The following STX5 variants were observed in gnomAD, a reference collection of about 807,000 sequenced individuals.
The protein encoded by STX5 is syntaxin-5.
Under a neutral mutation model 42.9 loss-of-function variants are expected in STX5, and 15 were observed. The observed-to-expected ratio is 0.35, with a 90% CI of 0.23 to 0.54. The LOEUF (loss-of-function observed/expected upper bound fraction) is 0.54, where lower values mean the gene tolerates loss of function less well. Among genes scored for constraint, STX5 ranks in the 20% least tolerant of loss-of-function variants. The pLI, the probability that STX5 is intolerant of heterozygous loss-of-function variation, is 0.91. For missense variants in STX5, 430 were observed against 455.0 expected (o/e 0.95, Z 0.50); for synonymous variants, 184 against 173.2 (o/e 1.06, Z -0.49).
intron 10 of STX5, among the ~76,000 whole-genome samples, chr11:62,812,266 A>G (rs2730035): frequency 0.16 from 24,327 of 151,042 alleles, 3,754 homozygotes; most frequent in African/African-American, 0.4. Flanking sequence ...TAGTAGAGAC[A>G]GGGTTTCTCC....
chr11:62,830,771 A>T (rs754675287), intron 2 of STX5, among the ~76,000 whole-genome samples: 6 of 152,144 alleles, frequency 3.9e-5, no homozygotes, highest in Non-Finnish European at 8.8e-5. Flanking sequence ...GTACTCTCTG[A>T]AGTACTCCCT....
intron 10 of STX5, among the ~76,000 whole-genome samples, chr11:62,814,964 T>C (rs1266130708): frequency 6.6e-6 from 1 of 152,076 alleles, no homozygotes; most frequent in Admixed American, 6.6e-5. Flanking sequence ...CCTCACTGGA[T>C]ATCACATATT....
Position 62,824,234 on chromosome 11 carries a change from A to G in STX5, c.840T>C (p.Ile280=), listed in dbSNP as rs556152841. The G allele has an allele frequency of 1.2e-6, 2 of 1,614,164 alleles. No individual in the cohort carries two copies. The highest frequency in any genetic ancestry group is 4.5e-5 in the East Asian group (2 of 44,882). Residue 280 remains isoleucine (I), a synonymous_variant, in exon 10 of 11, where the codon ATT becomes ATC. Coordinates refer to ENST00000294179, the MANE Select transcript of STX5 (RefSeq NM_003164.5). ...ADTMQNIEST[I]VELGSIFQQL... ...GCTGAAAGATGGAGCCCAACTCAAC[A>G]ATTGTCGACTCAATGTTCTGCATGG...
chr11:62,824,699 G>A (rs2084775881), intron 8 of STX5, 134 bp from the exon 9 acceptor site: 3 of 801,180 alleles, frequency 3.7e-6, no homozygotes, highest in Non-Finnish European at 6.1e-6. Context: ...ACCTCTCTGA[G>A]CCTCAGTTTC....
intron 2 of STX5, among the ~76,000 whole-genome samples, 196 bp from the exon 3 acceptor site, chr11:62,827,827 T>C (rs1298603049): frequency 6.6e-6 from 1 of 152,044 alleles, no homozygotes; most frequent in African/African-American, 2.4e-5. Context: ...GACTCACCAC[T>C]TACTACTAGC....
rs1411103673 is a variant in STX5 at position 62,807,686 on chromosome 11, G to A, written c.909-58C>T. 4 of 1,597,898 alleles carry A rather than the reference G, an allele frequency of 2.5e-6. No homozygotes were observed. In the Middle Eastern group the frequency reaches 5.0e-4, roughly 199 times the overall value. ...AGGACACTGGATTAAAAAGAATGCT[G>A]TTGAAGTCCATTTATTGACATGGAA... On this transcript the variant is annotated intron_variant, in intron 10 of 10. Coordinates refer to ENST00000294179, the MANE Select transcript of STX5 (RefSeq NM_003164.5).
chr11:62,807,187 C>T lies in STX5; in HGVS notation c.*282G>A, dbSNP rs2084560367. On this transcript the variant is annotated 3_prime_UTR_variant, in exon 11 of 11. Transcript: ENST00000294179. ...ATAAAAATCTCCTAGTGGAAACAAC[C>T]TCCCCCACTGGCCCCCAGCTGGCCT... The T allele has an allele frequency of 3.5e-6, 1 of 283,036 alleles. No homozygotes were observed. The highest frequency in any genetic ancestry group is 6.7e-6 in the Non-Finnish European group (1 of 149,572). The allele number at this position is 283,036 out of a possible 1,614,324, so 17.5% of individuals were successfully genotyped here.
chr11:62,807,398 T>A lies in STX5; in HGVS notation c.*71A>T. On this transcript the variant is annotated 3_prime_UTR_variant, in exon 11 of 11. Transcript: ENST00000294179. ...TCCCAAGTACCCTGCACAGGCTCAG[T>A]GGCAGCACTGGCCACTTGCCTTCCC... 2 of 1,571,050 alleles carry A rather than the reference T, an allele frequency of 1.3e-6. No homozygotes were observed. Among genetic ancestry groups the A allele is most frequent in the African/African-American group, 1.4e-5 (1 of 73,864 alleles).
intron 7 of STX5, 77 bp downstream of exon 7, chr11:62,825,206 A>G (rs1038210634): frequency 1.9e-6 from 3 of 1,611,470 alleles, no homozygotes; most frequent in African/African-American, 1.3e-5. Flanking sequence ...ATGACCCTGT[A>G]GAACTTGTCC....
chr11:62,831,062 G>A lies in STX5; in HGVS notation c.182C>T (p.Thr61Ile). The A allele has an allele frequency of 6.4e-7, 1 of 1,555,894 alleles. No homozygotes were observed. The highest frequency in any genetic ancestry group is 8.7e-7 in the Non-Finnish European group (1 of 1,150,136). The part of the protein sequence containing the change: ...PPDTMSCRDR[T>I]QEFLSACKSL... ...CTTGCAGGCAGACAGAAACTCCTGG[G>A]TCCGATCCCGGCAGGACATGGTGTC... Residue 61 changes from threonine to isoleucine, a missense_variant, in exon 2 of 11, where the codon ACC becomes ATC. Thr to Ile is a moderately conservative substitution (Grantham distance 89, BLOSUM62 -1). Transcript: ENST00000294179.
At chr11:62,825,901 A>G (rs2084790342) in intron 5 of STX5, among the ~76,000 whole-genome samples, 1 of 152,228 alleles carries the variant, frequency 6.6e-6, no homozygotes, top group Admixed American at 6.5e-5. Context: ...GCCCCCGGAC[A>G]GTACTCAGGA....
At position 62,817,177 on chromosome 11, in the gene STX5, C is replaced by G. The variant is rs187248232; in HGVS notation, c.908+6989G>C. On this transcript the variant is annotated intron_variant, in intron 10 of 10. Transcript: ENST00000294179. ...TCCTGGCCTCAAGTGATCCACCTGC[C>G]TCAGCCTCCCAAAGTGCTAGGATTA... Among the ~76,000 whole-genome samples, 186 of 152,136 alleles carry G rather than the reference C, an allele frequency of 1.2e-3. 1 individual carries two copies. The highest frequency in any genetic ancestry group is 4.2e-3 in the African/African-American group (176 of 41,544).
In STX5 at chr11:62,824,280, T is replaced by C. The variant is rs1204944241; in HGVS notation, c.794A>G (p.Tyr265Cys). ...CATGGTGTCTGCCCGACTCTGGATG[T>C]AGGAATCCTTCAGGAGAGGGAGAGA... ...QLQLIDEQDSYIQSRADTMQN... is the reference protein window; with the variant it reads ...QLQLIDEQDSCIQSRADTMQN... The change falls in exon 10 of 11, where the codon TAC (tyrosine) becomes TGC (cysteine). Residue 265 changes from tyrosine (Y) to cysteine (C), a missense_variant. Tyr to Cys is a radical substitution (Grantham distance 194). Transcript: ENST00000294179. The C allele has an allele frequency of 6.2e-7, 1 of 1,614,040 alleles. No homozygotes were observed. The highest frequency in any genetic ancestry group is 1.3e-5 in the African/African-American group (1 of 74,914).
chr11:62,816,798 G>A (rs2084678440), intron 10 of STX5, among the ~76,000 whole-genome samples: 1 of 150,710 alleles, frequency 6.6e-6, no homozygotes, highest in Non-Finnish European at 1.5e-5. Context: ...GGGAGGCTGA[G>A]GAAAGAGAAT....
intron 10 of STX5, among the ~76,000 whole-genome samples, chr11:62,820,906 TTGC>T: frequency 6.6e-6 from 1 of 152,350 alleles, no homozygotes; most frequent in Non-Finnish European, 1.5e-5. Flanking sequence ...TTCAATTTGG[TTGC>T]TGCTCTTCTT....
At chr11:62,827,439 C>T (rs781115405) in intron 3 of STX5, 41 bp from the exon 4 acceptor site, 38 of 1,612,958 alleles carry the variant, frequency 2.4e-5, no homozygotes, top group East Asian at 6.7e-5. Flanking sequence ...AAGGGCAGGA[C>T]GCCTTTTCCC....
chr11:62,820,133 G>A (rs934335583), intron 10 of STX5, among the ~76,000 whole-genome samples: 6 of 151,820 alleles, frequency 4.0e-5, no homozygotes, highest in Admixed American at 2.0e-4. Flanking sequence ...AACTTTGGGA[G>A]GCCGAGGCGG....
intron 10 of STX5, among the ~76,000 whole-genome samples, chr11:62,814,127 ATAAT>A (rs1181822119): frequency 1.3e-5 from 2 of 152,164 alleles, no homozygotes; most frequent in Non-Finnish European, 1.5e-5. Flanking sequence ...ATTAAAACCT[ATAAT>A]TAAAGCCTAT....
In STX5 at chr11:62,824,212, G is replaced by C; in HGVS notation, c.862C>G (p.Gln288Glu). 1 of 1,614,212 alleles carries C rather than the reference G, an allele frequency of 6.2e-7. No homozygotes were observed. The highest frequency in any genetic ancestry group is 8.5e-7 in the Non-Finnish European group (1 of 1,180,044). Reference protein sequence around the residue: ...STIVELGSIFQQLAHMVKEQE... With the variant: ...STIVELGSIFEQLAHMVKEQE... ...TCCTTAACCATGTGTGCCAACTGCT[G>C]AAAGATGGAGCCCAACTCAACAATT... The change falls in exon 10 of 11, where the codon CAG (glutamine) becomes GAG (glutamate). Residue 288 changes from glutamine to glutamate, a missense_variant. Gln to Glu is a conservative substitution (Grantham distance 29, BLOSUM62 2). Coordinates refer to ENST00000294179, the MANE Select transcript of STX5 (RefSeq NM_003164.5).
Sources: allele counts gnomAD v4.1 joint callset (sites outside exome capture counted in the v4.1 genomes callset), GRCh38; gene constraint gnomAD v4.1.1; transcripts MANE v1.5; gene names NCBI Gene and HGNC (gene_info 2026-07-23, HGNC 2026-07-21).